ASB15: variants seen among roughly 807,000 people sequenced by gnomAD.
ASB15 encodes ankyrin repeat and SOCS box containing 15.
ASB15 carries 54 observed loss-of-function variants against 58.0 expected under a neutral mutation model. That is an observed-to-expected ratio of 0.93 (90% confidence interval 0.75 to 1.17). ASB15 has a LOEUF of 1.17. Ranked by LOEUF, ASB15 falls within the 50% of genes most tolerant of loss-of-function variation. The probability of loss-of-function intolerance (pLI) is 0.00; values close to 1 mark genes in which losing one functional copy is unlikely to be tolerated. For missense variants in ASB15, 680 were observed against 707.4 expected (o/e 0.96, Z 0.44); for synonymous variants, 249 against 262.4 (o/e 0.95, Z 0.50).
chr7:123,617,257 AC>A (rs558185909), intron 6 of ASB15, among the ~76,000 whole-genome samples: 59 of 152,134 alleles, frequency 3.9e-4, no homozygotes, highest in Non-Finnish European at 6.3e-4. Flanking sequence ...TCACAAAAAA[AC>A]AATTTCAGTT....
At chr7:123,594,778 A>G (rs1049673307) in intron 1 of ASB15, among the ~76,000 whole-genome samples, 3 of 152,068 alleles carry the variant, frequency 2.0e-5, no homozygotes, top group African/African-American at 7.2e-5. Context: ...CCATTATTGG[A>G]TCTCAAATGC....
chr7:123,608,243 G>A (rs1002887906), intron 2 of ASB15, among the ~76,000 whole-genome samples: 1 of 152,058 alleles, frequency 6.6e-6, no homozygotes, highest in African/African-American at 2.4e-5. Flanking sequence ...AATCAGTAAA[G>A]CCCCAAAATT....
In ASB15 at chr7:123,582,280, G is replaced by T. The variant is rs578030742; in HGVS notation, c.-443+15192G>T. On this transcript the variant is annotated intron_variant, in intron 1 of 13. Transcript: ENST00000451558. ...TGTGTGACAATGGGAGATGGGGAGG[G>T]GGGGTTGCATTACAATATCCAAAGG... Among the ~76,000 whole-genome samples, 104 of 151,858 alleles carry T rather than the reference G, an allele frequency of 6.8e-4. 1 individual carries two copies. The highest frequency in any genetic ancestry group is 4.6e-3 in the Admixed American group (70 of 15,222).
intron 1 of ASB15, chr7:123,584,777 G>A (rs1799332424): frequency 6.6e-6 from 1 of 151,886 alleles, no homozygotes; most frequent in South Asian, 2.1e-4. Flanking sequence ...GAATAAATAT[G>A]TCAGGAATAT....
upstream of ASB15, chr7:123,598,926 T>C (rs555364492): frequency 6.6e-6 from 1 of 152,316 alleles, no homozygotes; most frequent in South Asian, 2.1e-4. Flanking sequence ...ATGTTTTCAG[T>C]TGTTTGATTT....
chr7:123,609,355 C>A (rs1324186183), intron 3 of ASB15, among the ~76,000 whole-genome samples: 2 of 151,880 alleles, frequency 1.3e-5, no homozygotes, highest in Non-Finnish European at 2.9e-5. Context: ...AAACTAGGGG[C>A]CAGTATGTTG....
At chr7:123,571,993 G>GC (rs1487036172) in intron 1 of ASB15, among the ~76,000 whole-genome samples, 13 of 151,852 alleles carry the variant, frequency 8.6e-5, no homozygotes, top group African/African-American at 2.9e-4. Flanking sequence ...TAGGGATCTT[G>GC]CCCAGGCTAG....
chr7:123,622,079 TG>T (rs1261274620), intron 7 of ASB15, among the ~76,000 whole-genome samples: 2 of 152,222 alleles, frequency 1.3e-5, no homozygotes, highest in Non-Finnish European at 2.9e-5. Flanking sequence ...CAGCAGTCCT[TG>T]TCAAGATAAT....
chr7:123,595,491 T>G (rs1799668201), intron 1 of ASB15, among the ~76,000 whole-genome samples: 1 of 152,186 alleles, frequency 6.6e-6, no homozygotes, highest in South Asian at 2.1e-4. Context: ...GAAGGAAGCC[T>G]CCCCACTTCA....
At chr7:123,628,837 A>G in intron 9 of ASB15, 27 bp from the exon 10 acceptor site, 1 of 1,395,222 alleles carries the variant, frequency 7.2e-7, no homozygotes, top group Non-Finnish European at 9.7e-7. Flanking sequence ...CTTTATGGCA[A>G]GTAGATATTT....
intron 1 of ASB15, among the ~76,000 whole-genome samples, chr7:123,589,324 CATTATT>C (rs1274381918): frequency 1.0e-5 from 1 of 96,508 alleles, no homozygotes; most frequent in Non-Finnish European, 2.1e-5. Context: ...TTATTATTAT[CATTATT>C]ATTATTATAC....
chr7:123,609,224 T>C (rs1304741046), intron 3 of ASB15: 1 of 152,140 alleles, frequency 6.6e-6, no homozygotes, highest in Non-Finnish European at 1.5e-5. Context: ...AACCAAATTG[T>C]ATTCTATTGA....
rs758894140 is a variant in ASB15 at position 123,636,989 on chromosome 7, T to C, written c.*8T>C. ...GAGCTAAAATTGACATAACTTAATA[T>C]TTTAAAATGTGATTTAAAAAAAATG... On this transcript the variant is annotated 3_prime_UTR_variant, in exon 12 of 12. Coordinates refer to ENST00000451215, the MANE Select transcript of ASB15 (RefSeq NM_001290258.2). 68 of 1,482,602 alleles carry C rather than the reference T, an allele frequency of 4.6e-5. No individual in the cohort carries two copies. Among genetic ancestry groups the C allele is most frequent in the Non-Finnish European group, 6.1e-5 (66 of 1,082,424 alleles). 91.8% of individuals were successfully genotyped at this position (1,482,602 alleles called of 1,614,324 possible).
rs759635803 is a variant in ASB15 at position 123,638,077 on chromosome 7, C to T, written c.*1096C>T. 1 of 152,062 alleles carries T rather than the reference C, an allele frequency of 6.6e-6. No individual in the cohort carries two copies. Among genetic ancestry groups the T allele is most frequent in the Non-Finnish European group, 1.5e-5 (1 of 68,104 alleles). 9.4% of individuals were successfully genotyped at this position (152,062 alleles called of 1,614,324 possible). A position where few individuals can be genotyped will look rare whatever the true frequency, so the allele number is the denominator to read the frequency against. ...CAGCAGCCCCCCACCACCCACCCCG[C>T]ATTTGGCCCTAAGTCTATTATCTTC... On this transcript the variant is annotated 3_prime_UTR_variant, in exon 12 of 12. Coordinates refer to ENST00000451215, the MANE Select transcript of ASB15 (RefSeq NM_001290258.2).
intron 1 of ASB15, among the ~76,000 whole-genome samples, chr7:123,588,358 A>G (rs1286037196): frequency 6.6e-6 from 1 of 151,314 alleles, no homozygotes; most frequent in Non-Finnish European, 1.5e-5. Flanking sequence ...GTATTTCTGT[A>G]TTTTTATATA....
intron 7 of ASB15, chr7:123,623,074 T>C (rs1244289530): frequency 6.6e-6 from 1 of 152,230 alleles, no homozygotes; most frequent in Non-Finnish European, 1.5e-5. Flanking sequence ...GGCCCAGACT[T>C]TGAGTCTCTC....
chr7:123,635,797 A>G (rs1562944778), intron 11 of ASB15, among the ~76,000 whole-genome samples: 1 of 147,996 alleles, frequency 6.8e-6, no homozygotes, highest in Non-Finnish European at 1.5e-5. Flanking sequence ...ATTGGTTAGG[A>G]AAAAAAAAAA....
chr7:123,608,022 C>T (rs564864248), intron 2 of ASB15, among the ~76,000 whole-genome samples: 25 of 152,244 alleles, frequency 1.6e-4, no homozygotes, highest in African/African-American at 5.8e-4. Context: ...ATGCATCTTC[C>T]CACATTTCTG....
rs1802514587 is a variant in ASB15, at chr7:123,638,074, C to G, written c.*1093C>G. The G allele has an allele frequency of 6.6e-6, 1 of 152,048 alleles. No homozygotes were observed. The highest frequency in any genetic ancestry group is 1.5e-5 in the Non-Finnish European group (1 of 68,102). The allele number at this position is 152,048 out of a possible 1,614,324, so 9.4% of individuals were successfully genotyped here. On this transcript the variant is annotated 3_prime_UTR_variant, in exon 12 of 12. Coordinates refer to ENST00000451215, the MANE Select transcript of ASB15 (RefSeq NM_001290258.2). ...ACTCAGCAGCCCCCCACCACCCACC[C>G]CGCATTTGGCCCTAAGTCTATTATC... is the stretch of plus-strand genomic sequence containing the variant.
Sources: allele counts gnomAD v4.1 joint callset (sites outside exome capture counted in the v4.1 genomes callset), GRCh38; gene constraint gnomAD v4.1.1; transcripts MANE v1.5; gene names NCBI Gene and HGNC (gene_info 2026-07-23, HGNC 2026-07-21).